Variants in CHCHD3 observed in about 807,000 individuals in gnomAD.
The protein encoded by CHCHD3 is MICOS complex subunit MIC19.
In CHCHD3, 20 loss-of-function variants were observed where a neutral mutation model predicts 38.2. That is an observed-to-expected ratio of 0.52 (90% CI 0.37 to 0.76). CHCHD3 has a LOEUF of 0.76. CHCHD3 is among the 30% of genes least tolerant of loss of function. The probability of loss-of-function intolerance (pLI) is 0.00; values close to 1 mark genes in which losing one functional copy is unlikely to be tolerated. For missense variants in CHCHD3, 245 were observed against 279.2 expected (o/e 0.88, Z 0.87); for synonymous variants, 82 against 100.0 (o/e 0.82, Z 1.07).
At chr7:132,878,482 C>A (rs1428891217) in intron 5 of CHCHD3, among the ~76,000 whole-genome samples, 1 of 152,154 alleles carries the variant, frequency 6.6e-6, no homozygotes, top group African/African-American at 2.4e-5. Flanking sequence ...GTAAGCATGA[C>A]CTTAGAATTT....
intron 4 of CHCHD3, among the ~76,000 whole-genome samples, chr7:132,915,347 C>T (rs887062096): frequency 1.3e-5 from 2 of 151,962 alleles, no homozygotes; most frequent in Non-Finnish European, 2.9e-5. Context: ...AAACACAGGC[C>T]GGGAACCATA....
chr7:132,879,716 T>TAAAAAAAAAAAAAAAAA (rs56259114), intron 5 of CHCHD3, among the ~76,000 whole-genome samples: 17 of 38,426 alleles, frequency 4.4e-4, no homozygotes, highest in South Asian at 1.8e-3. Flanking sequence ...TTGTCAAAAG[T>TAAAAAAAAAAAAAAAAA]AAAAAAAAAA....
intron 6 of CHCHD3, among the ~76,000 whole-genome samples, chr7:132,818,366 C>A (rs1807260480): frequency 6.6e-6 from 1 of 152,218 alleles, no homozygotes; most frequent in Non-Finnish European, 1.5e-5. Context: ...TGGGACTTGA[C>A]AATCAGTCCA....
chr7:133,000,395 C>T (rs539177809), intron 3 of CHCHD3, among the ~76,000 whole-genome samples: 2 of 152,036 alleles, frequency 1.3e-5, no homozygotes, highest in Admixed American at 1.3e-4. Context: ...ACATTTTTAC[C>T]GAGCACAATC....
intron 5 of CHCHD3, among the ~76,000 whole-genome samples, chr7:132,862,380 G>A (rs1002918105): frequency 4.6e-5 from 7 of 152,162 alleles, no homozygotes; most frequent in Non-Finnish European, 8.8e-5. Flanking sequence ...TTCCCAGTGC[G>A]TATAAAAGTC....
At chr7:133,075,645 G>A (rs1397256554) in intron 1 of CHCHD3, among the ~76,000 whole-genome samples, 1 of 152,180 alleles carries the variant, frequency 6.6e-6, no homozygotes, top group East Asian at 1.9e-4. Flanking sequence ...CTTTAGAGAT[G>A]CTGGCCAGGA....
intron 2 of CHCHD3, among the ~76,000 whole-genome samples, chr7:133,055,981 C>T (rs992002533): frequency 1.3e-5 from 2 of 151,726 alleles, no homozygotes; most frequent in East Asian, 1.9e-4. Context: ...CCCGTCTCTA[C>T]AAAAAAGAAA....
intron 4 of CHCHD3, among the ~76,000 whole-genome samples, chr7:132,887,275 C>A (rs1809241416): frequency 6.6e-6 from 1 of 151,576 alleles, no homozygotes; most frequent in Non-Finnish European, 1.5e-5. Flanking sequence ...CATTCATATA[C>A]AAGTATATAA....
At position 132,814,055 on chromosome 7, in the gene CHCHD3, T is replaced by C. The variant is rs188951559; in HGVS notation, c.525-17478A>G. 3.6e-3 allele frequency among the ~76,000 whole-genome samples: 555 copies of C among 152,312 alleles called. 3 individuals are homozygous for C. Among genetic ancestry groups the C allele is most frequent in the African/African-American group, 0.012 (510 of 41,566 alleles). ...AAGCAGTGAGGGGAACTCAACAGAA[T>C]TGATGGCAAACGGCTTTAATTTGCC... On this transcript the variant is annotated intron_variant, in intron 6 of 7. Transcript: ENST00000262570.
chr7:132,886,124 A>G (rs1406204649), intron 4 of CHCHD3, among the ~76,000 whole-genome samples: 1 of 152,168 alleles, frequency 6.6e-6, no homozygotes, highest in Non-Finnish European at 1.5e-5. Flanking sequence ...TGAACAAAAA[A>G]GTAATGCCTA....
rs71178073 is a variant in CHCHD3, at chr7:132,997,659, T to TAAAAAAA, written c.252-22380_252-22374dup. Among the ~76,000 whole-genome samples the TAAAAAAA allele has an allele frequency of 7.0e-4, 57 of 81,754 alleles. 1 individual carries two copies. The highest frequency in any genetic ancestry group is 2.0e-3 in the African/African-American group (42 of 20,888). The allele number at this position is 81,754 out of a possible 152,430, so 53.6% of individuals were successfully genotyped here. A position where few individuals can be genotyped will look rare whatever the true frequency, so the allele number is the denominator to read the frequency against. ...CTTCTCACTGTAACTAACAGGGTTG[T>TAAAAAAA]AAAAAAAAAAAAAAAAAAAAAAAAA... On this transcript the variant is annotated intron_variant, in intron 3 of 7. Transcript: ENST00000262570.
chr7:132,796,273 C>T (rs1330066910), intron 7 of CHCHD3, among the ~76,000 whole-genome samples, 169 bp downstream of exon 7: 16 of 152,114 alleles, frequency 1.1e-4, no homozygotes. Flanking sequence ...TGACAATGAT[C>T]GGACACAAGT....
At chr7:133,061,097 C>T (rs1814496667) in intron 2 of CHCHD3, among the ~76,000 whole-genome samples, 1 of 151,930 alleles carries the variant, frequency 6.6e-6, no homozygotes, top group African/African-American at 2.4e-5. Flanking sequence ...TGTACAGGAC[C>T]TTGCTGGCTA....
chr7:133,004,848 ATGC>A (rs1445148971), intron 3 of CHCHD3, among the ~76,000 whole-genome samples: 1 of 152,194 alleles, frequency 6.6e-6, no homozygotes, highest in Non-Finnish European at 1.5e-5. Flanking sequence ...TGTGTTTGGG[ATGC>A]TGCTGATTTA....
Position 132,931,624 on chromosome 7 carries a change from C to T in CHCHD3, c.369+43545G>A, listed in dbSNP as rs150075994. Among the ~76,000 whole-genome samples the T allele has an allele frequency of 2.0e-3, 297 of 152,202 alleles. 2 individuals are homozygous for T. Among genetic ancestry groups the T allele is most frequent in the African/African-American group, 6.9e-3 (286 of 41,532 alleles). On this transcript the variant is annotated intron_variant, in intron 4 of 7. Transcript: ENST00000262570. ...ATGTGGGTAAACTAATCATTATATT[C>T]GATGATGATTACTCAGATGCCTAAA...
chr7:132,952,694 T>C (rs1811060933), intron 4 of CHCHD3, among the ~76,000 whole-genome samples: 2 of 152,342 alleles, frequency 1.3e-5, no homozygotes, highest in South Asian at 4.1e-4. Context: ...TGTTATAGTA[T>C]TGTAGGCTCA....
intron 7 of CHCHD3, among the ~76,000 whole-genome samples, chr7:132,794,549 G>T (rs144475170): frequency 6.6e-6 from 1 of 152,110 alleles, no homozygotes; most frequent in Admixed American, 6.5e-5. Flanking sequence ...AGGAAAAAAG[G>T]TTTGAGGGCT....
chr7:133,027,553 A>C (rs1813381934), intron 2 of CHCHD3, among the ~76,000 whole-genome samples: 1 of 152,062 alleles, frequency 6.6e-6, no homozygotes, highest in South Asian at 2.1e-4. Context: ...GGCCATCAAC[A>C]ATCTAGGGGA....
intron 1 of CHCHD3, among the ~76,000 whole-genome samples, chr7:133,072,163 C>G (rs1814840203): frequency 7.4e-6 from 1 of 134,530 alleles, no homozygotes; most frequent in Non-Finnish European, 1.6e-5. Context: ...GAGCAAGACC[C>G]TATCTAGAAA....
Sources: gnomAD v4.1 joint callset for allele counts (sites outside exome capture counted in the v4.1 genomes callset) on GRCh38, gnomAD v4.1.1 for gene constraint, MANE v1.5 for transcripts, NCBI Gene and HGNC (gene_info 2026-07-23, HGNC 2026-07-21) for gene names.